LHPP: variants seen among roughly 807,000 people sequenced by gnomAD.
LHPP encodes the protein phospholysine phosphohistidine inorganic pyrophosphate phosphatase, also known as hLHPP.
A neutral mutation model predicts 30.3 loss-of-function variants in LHPP; 24 were observed. The observed-to-expected ratio is 0.79, with a 90% CI of 0.57 to 1.11. LHPP has a LOEUF of 1.11. LHPP is among the 50% of genes most tolerant of loss of function. The pLI, the probability that LHPP is intolerant of heterozygous loss-of-function variation, is 0.00. For synonymous variants in LHPP, 150 were observed against 157.1 expected, an observed-to-expected ratio of 0.95 and a Z score of 0.34; for missense variants, 356 against 367.2, an observed-to-expected ratio of 0.97 and a Z score of 0.25.
rs561851805 is a variant in LHPP, at chr10:124,523,851, C to T, written c.716+6580C>T. On this transcript the variant is annotated intron_variant, in intron 6 of 6. Coordinates refer to ENST00000368842, the MANE Select transcript of LHPP (RefSeq NM_022126.4). This position sits in a 1 kb window ranked among gnomAD's most constrained non-coding sequence, Gnocchi z 4.2. ...GCAGGGAAGGGCACCGGGAACAGGC[C>T]TGTGGAAAAATCCACTGTGCAATGA... is the stretch of plus-strand genomic sequence containing the variant. 2.0e-5 allele frequency among the ~76,000 whole-genome samples: 3 copies of T among 152,322 alleles called. 1 individual carries two copies. The highest frequency in any genetic ancestry group is 7.2e-5 in the African/African-American group (3 of 41,570).
intron 4 of LHPP, 29 bp downstream of exon 4, chr10:124,497,053 T>C (rs201368944): frequency 7.6e-6 from 12 of 1,582,720 alleles, no homozygotes; most frequent in Non-Finnish European, 1.0e-5. Context: ...TCCCAAACTC[T>C]CTTCAGACCT....
chr10:124,475,855 T>C (rs529214682), intron 1 of LHPP, among the ~76,000 whole-genome samples: 8 of 152,186 alleles, frequency 5.3e-5, no homozygotes, highest in Non-Finnish European at 1.0e-4. Context: ...CACGAGGCAT[T>C]TCCTGTCCCT....
chr10:124,585,969 G>T (rs1341754832), intron 6 of LHPP, among the ~76,000 whole-genome samples: 1 of 152,122 alleles, frequency 6.6e-6, no homozygotes, highest in Admixed American at 6.5e-5. Context: ...ATTTTTAGTA[G>T]AGGCGGGGTT....
chr10:124,528,113 C>A (rs1198739168), intron 6 of LHPP, among the ~76,000 whole-genome samples: 1 of 152,056 alleles, frequency 6.6e-6, no homozygotes, highest in Non-Finnish European at 1.5e-5. Flanking sequence ...GGGGCTGAGC[C>A]CCAGCTGTGT....
At chr10:124,575,817 G>C (rs1948650953) in intron 6 of LHPP, among the ~76,000 whole-genome samples, 1 of 152,138 alleles carries the variant, frequency 6.6e-6, no homozygotes, top group South Asian at 2.1e-4. Context: ...GACCCCCAAA[G>C]GCATTGTGCA....
At chr10:124,519,816 A>AT (rs11421205) in intron 6 of LHPP, among the ~76,000 whole-genome samples, 24,617 of 151,112 alleles carry the variant, frequency 0.16, 2,854 homozygotes, top group South Asian at 0.32. Flanking sequence ...TATGTACCAC[A>AT]TTTTTTTTCT....
intron 6 of LHPP, among the ~76,000 whole-genome samples, chr10:124,567,792 A>T (rs968397984): frequency 3.9e-5 from 6 of 152,250 alleles, no homozygotes; most frequent in Admixed American, 2.0e-4. Flanking sequence ...ACACATGGAC[A>T]CACATGCGCA....
At chr10:124,525,032 C>T (rs955090346) in intron 6 of LHPP, among the ~76,000 whole-genome samples, 2 of 152,216 alleles carry the variant, frequency 1.3e-5, no homozygotes, top group South Asian at 2.1e-4. Flanking sequence ...CCTGCAGAGG[C>T]GGCCCCGCCT....
chr10:124,606,160 G>A (rs1392633692), intron 6 of LHPP, among the ~76,000 whole-genome samples: 6 of 152,272 alleles, frequency 3.9e-5, no homozygotes, highest in African/African-American at 1.2e-4. Flanking sequence ...CAGCCGCCCC[G>A]CAGGCGCCTG....
At chr10:124,518,067 C>G (rs1199883790) in intron 6 of LHPP, among the ~76,000 whole-genome samples, 3 of 152,108 alleles carry the variant, frequency 2.0e-5, no homozygotes, top group Non-Finnish European at 4.4e-5. Context: ...TTAGGCAGGA[C>G]CAGAGAAGAC....
chr10:124,476,227 A>G (rs1326457363), intron 1 of LHPP, among the ~76,000 whole-genome samples: 2 of 152,122 alleles, frequency 1.3e-5, no homozygotes, highest in Non-Finnish European at 2.9e-5. Flanking sequence ...CTCCTGCGTC[A>G]CTGTGTCTCT....
chr10:124,526,135 C>A, intron 6 of LHPP: 1 of 977,874 alleles, frequency 1.0e-6, no homozygotes, highest in Non-Finnish European at 1.2e-6. Flanking sequence ...CAGCAGGGCC[C>A]TCTCTTCTCC....
chr10:124,528,271 G>A (rs11598172), intron 6 of LHPP, among the ~76,000 whole-genome samples: 17,769 of 152,318 alleles, frequency 0.12, 1,436 homozygotes, highest in Non-Finnish European at 0.16. Flanking sequence ...CTGGGGTTCT[G>A]TCCACCCCGT....
Position 124,555,271 on chromosome 10 carries a change from C to G in LHPP, c.716+38000C>G, listed in dbSNP as rs141087642. 4.1e-3 allele frequency among the ~76,000 whole-genome samples: 624 copies of G among 152,328 alleles called. 6 individuals carry two copies. Among genetic ancestry groups the G allele is most frequent in the African/African-American group, 0.014 (577 of 41,582 alleles). On this transcript the variant is annotated intron_variant, in intron 6 of 6. Transcript: ENST00000368842. Reference sequence around the variant, plus strand: ...GGTGGGCGAACTCCTGGCTGGACCACAGCCACAGGCCTGCAGGAGGCACCC... The same window carrying G: ...GGTGGGCGAACTCCTGGCTGGACCAGAGCCACAGGCCTGCAGGAGGCACCC...
At chr10:124,495,289 G>A (rs1403446123) in intron 3 of LHPP, among the ~76,000 whole-genome samples, 1 of 152,104 alleles carries the variant, frequency 6.6e-6, no homozygotes, top group Non-Finnish European at 1.5e-5. Flanking sequence ...CAGGCCTGGG[G>A]TTCACGTGGA....
Position 124,510,936 on chromosome 10 carries a change from C to T in LHPP, c.625-6244C>T, listed in dbSNP as rs1954281085. Among the ~76,000 whole-genome samples the T allele has an allele frequency of 6.6e-6, 1 of 152,222 alleles. No homozygotes were observed. The highest frequency in any genetic ancestry group is 1.5e-5 in the Non-Finnish European group (1 of 68,042). ...GCTTGCCCGGCCAGCCCTGGCTTTT[C>T]CCAACCCTCAGAGTGCCCCTTGTGC... On this transcript the variant is annotated intron_variant, in intron 5 of 6. Transcript: ENST00000368842. The surrounding 1 kb of genome is among the most constrained non-coding windows in gnomAD (Gnocchi z 4.0).
intron 6 of LHPP, among the ~76,000 whole-genome samples, chr10:124,606,871 G>C (rs927182478): frequency 1.3e-5 from 2 of 152,214 alleles, no homozygotes; most frequent in African/African-American, 4.8e-5. Context: ...TTCCCTGCCT[G>C]TTACAGGCCC....
At chr10:124,488,651 G>A (rs1953415905) in intron 3 of LHPP, 76 bp downstream of exon 3, 5 of 1,386,776 alleles carry the variant, frequency 3.6e-6, no homozygotes, top group African/African-American at 1.5e-5. Context: ...GCGGAATCAG[G>A]CAGAGAAGGA....
At chr10:124,514,372 G>T (rs1954393363) in intron 5 of LHPP, among the ~76,000 whole-genome samples, 1 of 152,192 alleles carries the variant, frequency 6.6e-6, no homozygotes. Flanking sequence ...TTCTTGTAGG[G>T]TAGATCTCTT....
Sources: gnomAD v4.1 joint callset for allele counts (sites outside exome capture counted in the v4.1 genomes callset) on GRCh38, gnomAD v4.1.1 for gene constraint, Gnocchi (gnomAD v3.1) non-coding constraint, MANE v1.5 for transcripts, NCBI Gene and HGNC (gene_info 2026-07-23, HGNC 2026-07-21) for gene names.